ADARB2: variants seen among roughly 807,000 people sequenced by gnomAD.
The protein encoded by ADARB2 is adenosine deaminase RNA specific B2 (inactive).
In ADARB2, 25 loss-of-function variants were observed where a neutral mutation model predicts 62.2. The ratio of observed to expected loss-of-function variants is 0.40; its 90% confidence interval spans 0.29 to 0.56. The LOEUF (loss-of-function observed/expected upper bound fraction) is 0.56, where lower values mean the gene tolerates loss of function less well. Ranked by LOEUF, ADARB2 falls within the 20% of genes least tolerant of loss-of-function variation. The pLI, the probability that ADARB2 is intolerant of heterozygous loss-of-function variation, is 0.43. For missense variants in ADARB2, 1,071 were observed against 1,077.4 expected (o/e 0.99, Z 0.08); for synonymous variants, 572 against 500.8 (o/e 1.14, Z -1.90).
chr10:1,301,008 G>A (rs1247076359), intron 3 of ADARB2, among the ~76,000 whole-genome samples: 2 of 152,198 alleles, frequency 1.3e-5, no homozygotes, highest in East Asian at 1.9e-4. Flanking sequence ...TTGCCGGACC[G>A]TGGTGTCATC....
At chr10:1,320,851 C>G (rs1236686984) in intron 3 of ADARB2, among the ~76,000 whole-genome samples, 1 of 152,186 alleles carries the variant, frequency 6.6e-6, no homozygotes, top group Non-Finnish European at 1.5e-5. Context: ...TTTTTAAGCA[C>G]TGTAATAAAA....
intron 1 of ADARB2, among the ~76,000 whole-genome samples, chr10:1,721,577 G>T (rs1340458528): frequency 2.0e-5 from 3 of 152,194 alleles, no homozygotes; most frequent in Non-Finnish European, 4.4e-5. Flanking sequence ...AGTCAATTGG[G>T]ACTTTGCACA....
chr10:1,312,713 C>T (rs889538397), intron 3 of ADARB2, among the ~76,000 whole-genome samples: 4 of 152,182 alleles, frequency 2.6e-5, no homozygotes, highest in African/African-American at 4.8e-5. Flanking sequence ...CCCGCATGGG[C>T]AGGTGGGAAC....
At chr10:1,655,434 G>C (rs1459571710) in intron 1 of ADARB2, among the ~76,000 whole-genome samples, 1 of 152,188 alleles carries the variant, frequency 6.6e-6, no homozygotes, top group Non-Finnish European at 1.5e-5. Context: ...TTTCTGCAAG[G>C]CTTGTCGGGT....
chr10:1,338,960 A>G (rs1397631307), intron 3 of ADARB2, among the ~76,000 whole-genome samples: 3 of 152,184 alleles, frequency 2.0e-5, no homozygotes, highest in Admixed American at 2.0e-4. Flanking sequence ...TCCACATTCC[A>G]ACACCAGCAG....
At chr10:1,438,735 G>A in intron 1 of ADARB2, among the ~76,000 whole-genome samples, 1 of 150,988 alleles carries the variant, frequency 6.6e-6, no homozygotes, top group East Asian at 2.0e-4. Context: ...CTCAGCAGAT[G>A]GAGGCAGGTT....
At chr10:1,286,067 G>T (rs1368062470) in intron 3 of ADARB2, among the ~76,000 whole-genome samples, 3 of 152,046 alleles carry the variant, frequency 2.0e-5, no homozygotes, top group Non-Finnish European at 2.9e-5. Context: ...TTCACAGCGG[G>T]GGCGGGTGGT....
chr10:1,556,900 C>A, intron 1 of ADARB2: 1 of 494,734 alleles, frequency 2.0e-6, no homozygotes, highest in South Asian at 1.5e-5. Flanking sequence ...CCTCTTTTGA[C>A]CTCTATTCCT....
Position 1,737,235 on chromosome 10 carries a change from C to A in ADARB2, c.-85G>T. On this transcript the variant is annotated 5_prime_UTR_variant, in exon 1 of 10. Transcript: ENST00000381312. ...TTCCCGGCAGCCGCCGCCGCCGCTG[C>A]TGCGAAGCTTGAGGTTGCAAACCCG... The A allele has an allele frequency of 6.9e-7, 1 of 1,449,056 alleles. No homozygotes were observed. The highest frequency in any genetic ancestry group is 9.5e-7 in the Non-Finnish European group (1 of 1,047,512). The allele number at this position is 1,449,056 out of a possible 1,614,324, so 89.8% of individuals were successfully genotyped here.
At chr10:1,565,852 G>A (rs61831957) in intron 1 of ADARB2, among the ~76,000 whole-genome samples, 27,558 of 151,908 alleles carry the variant, frequency 0.18, 3,046 homozygotes, top group Non-Finnish European at 0.25. Context: ...GTGTTCACGC[G>A]CTTCTCCGTG....
intron 1 of ADARB2, among the ~76,000 whole-genome samples, chr10:1,721,842 G>A (rs1272120887): frequency 1.3e-5 from 2 of 152,166 alleles, no homozygotes; most frequent in Non-Finnish European, 2.9e-5. Context: ...ACTGACTGGA[G>A]AGGGGTCCAG....
chr10:1,355,288 C>T (rs1030768829), intron 3 of ADARB2, among the ~76,000 whole-genome samples: 11 of 152,292 alleles, frequency 7.2e-5, no homozygotes, highest in Admixed American at 3.9e-4. Context: ...GCCTAAAGCC[C>T]TTGGGGGCTG....
At chr10:1,647,973 C>T (rs1186436110) in intron 1 of ADARB2, among the ~76,000 whole-genome samples, 1 of 152,062 alleles carries the variant, frequency 6.6e-6, no homozygotes, top group Non-Finnish European at 1.5e-5. Flanking sequence ...CCTGAAATGC[C>T]ATTAAACTGG....
chr10:1,497,562 TATAA>T (rs1332981550), intron 1 of ADARB2, among the ~76,000 whole-genome samples: 3 of 152,216 alleles, frequency 2.0e-5, no homozygotes, highest in African/African-American at 7.2e-5. Context: ...TCCTTTCTCT[TATAA>T]ATAATTGATT....
chr10:1,442,564 T>C (rs3898610), intron 1 of ADARB2, among the ~76,000 whole-genome samples: 12,346 of 152,234 alleles, frequency 0.081, 623 homozygotes, highest in East Asian at 0.23. Flanking sequence ...ATAATGACAG[T>C]GTTATTCCAG....
chr10:1,646,893 C>T (rs1476538565), intron 1 of ADARB2, among the ~76,000 whole-genome samples: 1 of 152,200 alleles, frequency 6.6e-6, no homozygotes, highest in Non-Finnish European at 1.5e-5. Context: ...TTGCCAGTGC[C>T]TGCGTGCCTG....
At chr10:1,718,617 T>C (rs1835051137) in intron 1 of ADARB2, among the ~76,000 whole-genome samples, 1 of 152,038 alleles carries the variant, frequency 6.6e-6, no homozygotes, top group Non-Finnish European at 1.5e-5. Flanking sequence ...GAGCGGCGTT[T>C]AGAGATTGCA....
chr10:1,376,856 T>G (rs1252292787), intron 2 of ADARB2, among the ~76,000 whole-genome samples: 1 of 13,498 alleles, frequency 7.4e-5, no homozygotes, highest in Non-Finnish European at 1.5e-4. Flanking sequence ...GGCTCAGCTT[T>G]GGTGGGGCAG....
intron 6 of ADARB2, among the ~76,000 whole-genome samples, chr10:1,226,692 C>T (rs1303966296): frequency 6.6e-6 from 1 of 152,202 alleles, no homozygotes; most frequent in South Asian, 2.1e-4. Flanking sequence ...CCCTGTTTGC[C>T]TGGGTATCTG....
Sources: gnomAD v4.1 joint callset for allele counts (sites outside exome capture counted in the v4.1 genomes callset) on GRCh38, gnomAD v4.1.1 for gene constraint, MANE v1.5 for transcripts, NCBI Gene and HGNC (gene_info 2026-07-23, HGNC 2026-07-21) for gene names.